The following TBC1D1 variants were observed in gnomAD, a reference collection of about 807,000 sequenced individuals.
TBC1D1 encodes the protein TBC1 domain family member 1, also known as TBC1 (tre-2/USP6, BUB2, cdc16) domain family, member 1.
A neutral mutation model predicts 125.6 loss-of-function variants in TBC1D1; 89 were observed. The observed-to-expected ratio is 0.71, with a 90% CI of 0.60 to 0.85. The LOEUF (loss-of-function observed/expected upper bound fraction) is 0.85. Among genes scored for constraint, TBC1D1 ranks in the 40% least tolerant of loss-of-function variants. The pLI, the probability that TBC1D1 is intolerant of heterozygous loss-of-function variation, is 0.00. For missense variants in TBC1D1, 1,377 were observed against 1,469.2 expected (o/e 0.94, Z 1.03); for synonymous variants, 565 against 564.1 (o/e 1.00, Z -0.02).
intron 16 of TBC1D1, 28 bp from the exon 19 acceptor site, chr4:38,118,005 C>A: frequency 6.2e-7 from 1 of 1,611,844 alleles, no homozygotes; most frequent in East Asian, 2.2e-5. Context: ...ATCCCTAATT[C>A]TCAGCCCTTG....
intron 12 of TBC1D1, among the ~76,000 whole-genome samples, chr4:38,080,293 A>G (rs541232954): frequency 4.3e-4 from 51 of 119,186 alleles, no homozygotes; most frequent in Non-Finnish European, 3.8e-4. Context: ...GTGGTCTGAC[A>G]TCTTTTAAAA....
chr4:37,941,778 T>C (rs1560507534), intron 2 of TBC1D1, among the ~76,000 whole-genome samples: 1 of 152,276 alleles, frequency 6.6e-6, no homozygotes, highest in Non-Finnish European at 1.5e-5. Flanking sequence ...CATTTCGTTA[T>C]GTACCCAGTA....
At chr4:37,945,045 G>A (rs1260698229) in intron 2 of TBC1D1, among the ~76,000 whole-genome samples, 4 of 152,110 alleles carry the variant, frequency 2.6e-5, no homozygotes, top group East Asian at 1.9e-4. Flanking sequence ...GTCCAGCTCT[G>A]GACTGGACTT....
rs1737342333 is a variant in TBC1D1 at position 37,994,551 on chromosome 4, T to G, written c.418-19958T>G. Among the ~76,000 whole-genome samples the G allele has an allele frequency of 2.6e-5, 4 of 152,200 alleles. 1 individual carries two copies. The South Asian group carries it at 8.3e-4, about 32-fold the overall frequency. ...GAACCACCATGCCCAGCCTCTTTCT[T>G]TCCCATTTTTGAGAAGAGTGGAGCT... On this transcript the variant is annotated intron_variant, in intron 2 of 19. Coordinates refer to ENST00000261439, the MANE Select transcript of TBC1D1 (RefSeq NM_015173.4).
chr4:37,991,359 T>A (rs1373643385), intron 2 of TBC1D1, among the ~76,000 whole-genome samples: 1 of 152,208 alleles, frequency 6.6e-6, no homozygotes, highest in African/African-American at 2.4e-5. Context: ...ACCTCTCCGC[T>A]GATCTGGGGG....
At chr4:37,976,427 T>C (rs1733094224) in intron 2 of TBC1D1, among the ~76,000 whole-genome samples, 2 of 152,232 alleles carry the variant, frequency 1.3e-5, no homozygotes. Flanking sequence ...GGGGTAACTT[T>C]TTATACAGCA....
At chr4:37,901,563 C>T (rs1716004652) in intron 1 of TBC1D1, among the ~76,000 whole-genome samples, 1 of 148,534 alleles carries the variant, frequency 6.7e-6, no homozygotes, top group Non-Finnish European at 1.5e-5. Context: ...ACATAATAGG[C>T]ACTGAAGACA....
intron 2 of TBC1D1, among the ~76,000 whole-genome samples, chr4:37,928,949 G>A (rs558196895): frequency 1.3e-5 from 2 of 152,154 alleles, no homozygotes; most frequent in Non-Finnish European, 2.9e-5. Flanking sequence ...TCCCTGAAAG[G>A]TCTCTAGGCT....
chr4:37,912,260 T>G (rs890239439), intron 2 of TBC1D1, among the ~76,000 whole-genome samples: 8 of 152,264 alleles, frequency 5.3e-5, no homozygotes, highest in Non-Finnish European at 1.2e-4. Context: ...GTAATTTATT[T>G]TCCATGGGAC....
At position 37,952,037 on chromosome 4, in the gene TBC1D1, G is replaced by T. The variant is rs569990913; in HGVS notation, c.417+49525G>T. ...TCATCACTGTAGGGGACCTTTGAAA[G>T]AGCTGCCGGAGAAGGTGAGGAAGAA... On this transcript the variant is annotated intron_variant, in intron 2 of 19. Transcript: ENST00000261439. The T allele has an allele frequency of 2.5e-5, 18 of 717,658 alleles. No homozygotes were observed. The African/African-American group carries it at 3.0e-4, about 12-fold the overall frequency. The allele number at this position is 717,658 out of a possible 1,614,324, so 44.5% of individuals were successfully genotyped here.
intron 2 of TBC1D1, among the ~76,000 whole-genome samples, chr4:37,987,869 T>G (rs1735770324): frequency 6.6e-6 from 1 of 152,248 alleles, no homozygotes; most frequent in South Asian, 2.1e-4. Context: ...GTTTCATAGT[T>G]ATTCAGCTTA....
intron 2 of TBC1D1, among the ~76,000 whole-genome samples, chr4:37,924,785 G>A (rs1721719647): frequency 6.6e-6 from 1 of 152,192 alleles, no homozygotes; most frequent in Non-Finnish European, 1.5e-5. Context: ...CGATGGACAT[G>A]TAAGTTGTTT....
chr4:37,972,412 C>T (rs1003530919), intron 2 of TBC1D1, among the ~76,000 whole-genome samples: 4 of 139,586 alleles, frequency 2.9e-5, no homozygotes, highest in Non-Finnish European at 4.5e-5. Context: ...ACCCAGGAGG[C>T]GGAGGTTGTG....
chr4:38,010,632 G>T (rs1324284441), intron 2 of TBC1D1, among the ~76,000 whole-genome samples: 1 of 152,204 alleles, frequency 6.6e-6, no homozygotes, highest in African/African-American at 2.4e-5. Context: ...CATCCACACA[G>T]AAGCCTAAGC....
intron 12 of TBC1D1, among the ~76,000 whole-genome samples, chr4:38,067,709 T>C (rs1753975593): frequency 1.3e-5 from 2 of 152,194 alleles, no homozygotes; most frequent in Admixed American, 1.3e-4. Context: ...TCTGATAGTT[T>C]TCTTCTGTTT....
intron 2 of TBC1D1, among the ~76,000 whole-genome samples, chr4:37,979,769 C>T (rs916854335): frequency 1.3e-5 from 2 of 152,142 alleles, no homozygotes; most frequent in African/African-American, 2.4e-5. Context: ...TACCTGAGCA[C>T]GAATGTGTTT....
At chr4:38,088,165 AGAAAG>A (rs745641434) in intron 12 of TBC1D1, among the ~76,000 whole-genome samples, 34 of 152,244 alleles carry the variant, frequency 2.2e-4, no homozygotes, top group African/African-American at 6.5e-4. Flanking sequence ...ATAAAAAAAA[AGAAAG>A]GAAAGGGCTC....
At chr4:38,034,215 A>G (rs901734660) in intron 7 of TBC1D1, among the ~76,000 whole-genome samples, 5 of 152,260 alleles carry the variant, frequency 3.3e-5, no homozygotes. Context: ...TTGTGGCATT[A>G]CTGCCACTTT....
At chr4:38,076,339 C>T (rs544622203) in intron 12 of TBC1D1, among the ~76,000 whole-genome samples, 1 of 152,270 alleles carries the variant, frequency 6.6e-6, no homozygotes, top group Non-Finnish European at 1.5e-5. Flanking sequence ...CTGGTCCCTC[C>T]CATGACATGG....
Sources: allele counts gnomAD v4.1 joint callset (sites outside exome capture counted in the v4.1 genomes callset), GRCh38; gene constraint gnomAD v4.1.1; transcripts MANE v1.5; gene names NCBI Gene and HGNC (gene_info 2026-07-23, HGNC 2026-07-21).